Variants in MYLIP observed in about 807,000 individuals in gnomAD.
MYLIP encodes myosin regulatory light chain interacting protein.
A neutral mutation model predicts 45.8 loss-of-function variants in MYLIP; 26 were observed. The ratio of observed to expected loss-of-function variants is 0.57; its 90% confidence interval spans 0.42 to 0.79. The LOEUF (loss-of-function observed/expected upper bound fraction) is 0.79. Among genes scored for constraint, MYLIP ranks in the 30% least tolerant of loss-of-function variants. The pLI is 0.00. For missense variants in MYLIP, 494 were observed against 555.6 expected, an observed-to-expected ratio of 0.89 and a Z score of 1.11; for synonymous variants, 213 against 218.1, an observed-to-expected ratio of 0.98 and a Z score of 0.21.
At chr6:16,161,011 T>A in the MYLIP span, 1 of 155,988 alleles carries the variant, frequency 6.4e-6, no homozygotes, top group East Asian at 1.9e-4. Flanking sequence ...AGTGACCACA[T>A]CCACACATCC....
chr6:16,158,368 C>T, the MYLIP span, among the ~76,000 whole-genome samples: 1 of 152,192 alleles, frequency 6.6e-6, no homozygotes, highest in Non-Finnish European at 1.5e-5. Context: ...TCTGCAGCAC[C>T]TTAAGTATCA....
rs1759401735 is a variant in MYLIP at position 16,129,224 on chromosome 6, G to C, written c.-99G>C. 1.5e-6 allele frequency: 2 copies of C among 1,303,506 alleles called. No homozygotes were observed. The highest frequency in any genetic ancestry group is 2.1e-6 in the Non-Finnish European group (2 of 935,964). 80.7% of individuals were successfully genotyped at this position (1,303,506 alleles called of 1,614,324 possible). ...GCAGAGCTGCAGCCTTCGAGGGCCA[G>C]CCCTCTCCGAGTCCGGGGCTGGGTC... is the stretch of plus-strand genomic sequence containing the variant. On this transcript the variant is annotated 5_prime_UTR_variant, in exon 1 of 7. Transcript: ENST00000356840. The surrounding 1 kb of genome is among the most constrained non-coding windows in gnomAD (Gnocchi z 5.1).
the MYLIP span, among the ~76,000 whole-genome samples, chr6:16,154,575 G>C: frequency 6.6e-6 from 1 of 152,194 alleles, no homozygotes; most frequent in Non-Finnish European, 1.5e-5. Flanking sequence ...CTGCTTCTGA[G>C]GGGCAGCCTT....
Position 16,143,195 on chromosome 6 carries a change from G to A in MYLIP, c.640G>A (p.Asp214Asn). 1 of 1,614,180 alleles carries A rather than the reference G, an allele frequency of 6.2e-7. No homozygotes were observed. Among genetic ancestry groups the A allele is most frequent in the Non-Finnish European group, 8.5e-7 (1 of 1,180,032 alleles). The change falls in exon 4 of 7, where the codon GAT becomes AAT. Residue 214 changes from aspartate to asparagine, a missense_variant. Transcript: ENST00000356840. The part of the protein sequence containing the change: ...VGPEGISICK[D>N]DFSPINRIAY... Reference sequence around the variant, plus strand: ...ACCTGAAGGAATCTCAATTTGTAAAGATGACTTTAGCCCAATTAATAGGTA... The same window carrying A: ...ACCTGAAGGAATCTCAATTTGTAAAAATGACTTTAGCCCAATTAATAGGTA...
chr6:16,148,626 G>A (rs1157954956), downstream of MYLIP, among the ~76,000 whole-genome samples: 1 of 152,136 alleles, frequency 6.6e-6, no homozygotes, highest in Admixed American at 6.5e-5. Context: ...GAAGCTATTG[G>A]AGAAGGAAGG....
At chr6:16,151,263 A>G (rs927245678), downstream of MYLIP, among the ~76,000 whole-genome samples, 10 of 151,804 alleles carry the variant, frequency 6.6e-5, no homozygotes, top group Non-Finnish European at 1.2e-4. Flanking sequence ...AGGCTGAGGC[A>G]GGAGAATGGT....
rs143150611 is a variant in MYLIP at position 16,143,200 on chromosome 6, C to G, written c.645C>G (p.Asp215Glu). 1.4e-5 allele frequency: 23 copies of G among 1,614,086 alleles called. No homozygotes were observed. The highest frequency in any genetic ancestry group is 1.8e-5 in the Non-Finnish European group (21 of 1,180,032). Reference protein sequence around the residue: ...GPEGISICKDDFSPINRIAYP... With the variant: ...GPEGISICKDEFSPINRIAYP... ...AAGGAATCTCAATTTGTAAAGATGA[C>G]TTTAGCCCAATTAATAGGTAAGCCA... The change falls in exon 4 of 7, where the codon GAC (aspartate) becomes GAG (glutamate). Residue 215 changes from aspartate (D) to glutamate (E), a missense_variant. Physicochemically the swap from Asp to Glu is conservative, Grantham distance 45 (BLOSUM62 2). Transcript: ENST00000356840.
At chr6:16,146,619 G>A (rs774432314) in intron 6 of MYLIP, 43 bp from the exon 7 acceptor site, 38 of 1,533,350 alleles carry the variant, frequency 2.5e-5, no homozygotes, top group Non-Finnish European at 3.3e-5. Flanking sequence ...GCCCCCCACC[G>A]AGGCTTGCAT....
Position 16,145,027 on chromosome 6 carries a change from A to G in MYLIP, c.958A>G (p.Lys320Glu). The change falls in exon 6 of 7, where the codon AAG (lysine) becomes GAG (glutamate). Residue 320 changes from lysine (K) to glutamate (E), a missense_variant. By Grantham distance (56) the Lys-to-Glu change is moderately conservative. Coordinates refer to ENST00000356840, the MANE Select transcript of MYLIP (RefSeq NM_013262.4). ...KYVFDIKRTS[K>E]EVYDHARRAL... ...TGTCTTTGATATTAAAAGAACATCA[A>G]AGGAGGTGTATGACCATGCCAGGAG... is the stretch of plus-strand genomic sequence containing the variant. 6.2e-7 allele frequency: 1 copy of G among 1,614,238 alleles called. No homozygotes were observed. The highest frequency in any genetic ancestry group is 1.1e-5 in the South Asian group (1 of 91,086).
the MYLIP span, among the ~76,000 whole-genome samples, chr6:16,154,707 C>T: frequency 6.6e-6 from 1 of 152,182 alleles, no homozygotes; most frequent in Non-Finnish European, 1.5e-5. Flanking sequence ...GTGTGACTAA[C>T]AGCCCAAACC....
chr6:16,133,311 T>A (rs1443295764), intron 2 of MYLIP, among the ~76,000 whole-genome samples: 1 of 152,246 alleles, frequency 6.6e-6, no homozygotes, highest in African/African-American at 2.4e-5. Context: ...TTTTCCTTAA[T>A]GTTTTCCTAA....
chr6:16,141,514 G>A, intron 2 of MYLIP, 111 bp from the exon 3 acceptor site: 2 of 1,008,338 alleles, frequency 2.0e-6, no homozygotes, highest in East Asian at 2.5e-5. Flanking sequence ...AGCATTTTCA[G>A]TGTGACTTTT....
chr6:16,142,674 AGGG>A, intron 3 of MYLIP, among the ~76,000 whole-genome samples: 1 of 152,350 alleles, frequency 6.6e-6, no homozygotes, highest in Non-Finnish European at 1.5e-5. Context: ...CAGGGGCCTC[AGGG>A]GTCAACTTTA....
the MYLIP span, among the ~76,000 whole-genome samples, chr6:16,153,673 GC>G: frequency 6.6e-6 from 1 of 152,214 alleles, no homozygotes; most frequent in South Asian, 2.1e-4. Context: ...TGCTGCTGAT[GC>G]GGGCCAGGAG....
At chr6:16,143,902 C>G in intron 5 of MYLIP, 39 bp downstream of exon 5, 1 of 1,584,614 alleles carries the variant, frequency 6.3e-7, no homozygotes, top group Non-Finnish European at 8.6e-7. Context: ...AGCACCACAG[C>G]TCTCAGGTTT....
chr6:16,161,389 A>C, the MYLIP span: 1 of 228,936 alleles, frequency 4.4e-6, no homozygotes, highest in Non-Finnish European at 9.0e-6. Flanking sequence ...TGCGAAGATG[A>C]CCTCCCGGAC....
chr6:16,134,713 G>T (rs1313050350), intron 2 of MYLIP, among the ~76,000 whole-genome samples: 4 of 152,140 alleles, frequency 2.6e-5, no homozygotes, highest in Non-Finnish European at 5.9e-5. Flanking sequence ...ACACAAAATA[G>T]GCCCTGGAAA....
chr6:16,145,333 G>T lies in MYLIP; in HGVS notation c.1248+16G>T, dbSNP rs773835321. The T allele has an allele frequency of 1.9e-6, 3 of 1,556,152 alleles. No individual in the cohort carries two copies. The East Asian group carries it at 6.8e-5, about 35-fold the overall frequency. ...CCAGCTACAGGTAGGGGAGTCAGCT[G>T]CCCACTTTTGCCTGCAGCCTCACCT... On this transcript the variant is annotated intron_variant, in intron 6 of 6. Transcript: ENST00000356840.
At chr6:16,130,090 T>C (rs1759427105) in intron 1 of MYLIP, among the ~76,000 whole-genome samples, 1 of 152,208 alleles carries the variant, frequency 6.6e-6, no homozygotes, top group Non-Finnish European at 1.5e-5. Flanking sequence ...CCTCTAGCTC[T>C]GAGATGTTTG....
Sources: gnomAD v4.1 joint callset for allele counts (sites outside exome capture counted in the v4.1 genomes callset) on GRCh38, gnomAD v4.1.1 for gene constraint, Gnocchi (gnomAD v3.1) non-coding constraint, MANE v1.5 for transcripts, NCBI Gene and HGNC (gene_info 2026-07-23, HGNC 2026-07-21) for gene names.